MGAM2: variants seen among roughly 807,000 people sequenced by gnomAD.
MGAM2 encodes maltase-glucoamylase 2 (putative).
Under a neutral mutation model 96.1 loss-of-function variants are expected in MGAM2, and 98 were observed. That is an observed-to-expected ratio of 1.02 (90% CI 0.87 to 1.21). The LOEUF (loss-of-function observed/expected upper bound fraction) is 1.21, where lower values mean the gene tolerates loss of function less well. Ranked by LOEUF, MGAM2 falls within the 50% of genes most tolerant of loss-of-function variation. The probability of loss-of-function intolerance (pLI) is 0.00; values close to 1 mark genes in which losing one functional copy is unlikely to be tolerated. For missense variants in MGAM2, 2,055 were observed against 1,182.4 expected, an observed-to-expected ratio of 1.74 and a Z score of -10.82; for synonymous variants, 749 against 414.8, an observed-to-expected ratio of 1.81 and a Z score of -9.79.
At chr7:142,112,597 C>T (rs1187906722) in intron 1 of MGAM2, among the ~76,000 whole-genome samples, 3 of 151,880 alleles carry the variant, frequency 2.0e-5, no homozygotes. Context: ...CATTGGAGAC[C>T]GATCCTCTAA....
intron 37 of MGAM2, among the ~76,000 whole-genome samples, chr7:142,190,844 T>C (rs919419489): frequency 2.0e-5 from 3 of 152,096 alleles, no homozygotes; most frequent in Admixed American, 1.3e-4. Context: ...TTAATTATTA[T>C]TGAGTTGTGG....
intron 12 of MGAM2, among the ~76,000 whole-genome samples, chr7:142,142,535 T>G (rs1026047696): frequency 3.5e-5 from 5 of 142,118 alleles, no homozygotes; most frequent in Non-Finnish European, 3.1e-5. Flanking sequence ...TTTTTTTTTT[T>G]TTTTTTTTTT....
At chr7:142,125,608 A>G (rs1264449181) in intron 3 of MGAM2, among the ~76,000 whole-genome samples, 2 of 152,152 alleles carry the variant, frequency 1.3e-5, no homozygotes, top group South Asian at 2.1e-4. Flanking sequence ...AGGAATGTCA[A>G]TTAGATTTAT....
At chr7:142,125,264 CAG>C (rs1204170056) in intron 3 of MGAM2, among the ~76,000 whole-genome samples, 1 of 152,136 alleles carries the variant, frequency 6.6e-6, no homozygotes, top group Non-Finnish European at 1.5e-5. Context: ...CAGCATCTAT[CAG>C]AGACTCTATT....
chr7:142,158,185 A>G (rs10282156), intron 18 of MGAM2, 63 bp from the exon 19 acceptor site: 165,343 of 700,464 alleles, frequency 0.24, 20,338 homozygotes, highest in East Asian at 0.32. Context: ...TTGTTGTTAC[A>G]TAATGTGCCA....
At position 142,197,494 on chromosome 7, in the gene MGAM2, T is replaced by G; in HGVS notation, c.4727T>G (p.Leu1576Arg). ...ACCCTGCTTCCTTATCTCTATACTC[T>G]GATGCATAAAGCTCACGTTGAGGGC... is the stretch of plus-strand genomic sequence containing the variant. Reference protein sequence around the residue: ...RYTLLPYLYTLMHKAHVEGST... With the variant: ...RYTLLPYLYTRMHKAHVEGST... The change falls in exon 41 of 48, where the codon CTG (leucine) becomes CGG (arginine). Residue 1576 changes from leucine (L) to arginine (R), a missense_variant. By Grantham distance (102) the Leu-to-Arg change is moderately radical. Transcript: ENST00000477922. 1.4e-6 allele frequency: 1 copy of G among 703,142 alleles called. No homozygotes were observed. The highest frequency in any genetic ancestry group is 2.6e-6 in the Non-Finnish European group (1 of 385,032). 43.6% of individuals were successfully genotyped at this position (703,142 alleles called of 1,614,324 possible).
chr7:142,127,139 T>C (rs962593803), intron 3 of MGAM2, among the ~76,000 whole-genome samples: 1 of 152,222 alleles, frequency 6.6e-6, no homozygotes, highest in African/African-American at 2.4e-5. Context: ...TTCTTTATAA[T>C]TACTGTTTTA....
rs977247650 is a variant in MGAM2, at chr7:142,160,153, G to A, written c.2240G>A (p.Arg747Lys). 5.7e-6 allele frequency: 4 copies of A among 702,390 alleles called. No individual in the cohort carries two copies. The East Asian group carries it at 1.1e-4, about 19-fold the overall frequency. The allele number at this position is 702,390 out of a possible 1,614,324, so 43.5% of individuals were successfully genotyped here. A position where few individuals can be genotyped will look rare whatever the true frequency, so the allele number is the denominator to read the frequency against. Reference protein sequence around the residue: ...DYETGVAISWRKQLVNMLLPG... With the variant: ...DYETGVAISWKKQLVNMLLPG... Reference sequence around the variant, plus strand: ...GATTAGGGAGTGGCCATCTCATGGAGGAAACAGTTGGTGAATATGCTTCTC... The same window carrying A: ...GATTAGGGAGTGGCCATCTCATGGAAGAAACAGTTGGTGAATATGCTTCTC... The change falls in exon 21 of 48, where the codon AGG becomes AAG. Residue 747 changes from arginine to lysine, a missense_variant. By Grantham distance (26) the Arg-to-Lys change is conservative (BLOSUM62 2). Transcript: ENST00000477922.
Position 142,220,842 on chromosome 7 carries a change from G to T in MGAM2, c.6331G>T (p.Asp2111Tyr), listed in dbSNP as rs1797904554. ...SVTPSLTSTADATISTTVLIA... is the reference protein window; with the variant it reads ...SVTPSLTSTAYATISTTVLIA... ...GACTCCTTCTCTGACAAGTACTGCT[G>T]ATGCCACCATTAGTACTACTGTACT... Residue 2111 changes from aspartate to tyrosine, a missense_variant, in exon 48 of 48, where the codon GAT becomes TAT. Transcript: ENST00000477922. The T allele has an allele frequency of 1.4e-6, 1 of 702,048 alleles. No homozygotes were observed. The highest frequency in any genetic ancestry group is 2.6e-6 in the Non-Finnish European group (1 of 384,748). 43.5% of individuals were successfully genotyped at this position (702,048 alleles called of 1,614,324 possible).
intron 37 of MGAM2, among the ~76,000 whole-genome samples, chr7:142,190,032 C>T (rs1265904581): frequency 6.6e-6 from 1 of 152,024 alleles, no homozygotes; most frequent in Non-Finnish European, 1.5e-5. Context: ...TATATAGATA[C>T]ACCATATTTT....
At chr7:142,131,435 T>A in intron 4 of MGAM2, 83 bp from the exon 5 acceptor site, 1 of 648,160 alleles carries the variant, frequency 1.5e-6, no homozygotes, top group Non-Finnish European at 2.8e-6. Context: ...AGACTCCATC[T>A]CAAAACAAAA....
Position 142,206,239 on chromosome 7 carries a change from C to T in MGAM2, c.5138-2334C>T, listed in dbSNP as rs138631538. Among the ~76,000 whole-genome samples the T allele has an allele frequency of 4.4e-3, 672 of 152,092 alleles. 9 individuals are homozygous for T. The highest frequency in any genetic ancestry group is 6.8e-3 in the Middle Eastern group (2 of 294). On this transcript the variant is annotated intron_variant, in intron 45 of 47. Coordinates refer to ENST00000477922, the MANE Select transcript of MGAM2 (RefSeq NM_001293626.2). ...GAAGCATGAGTTCTTCAATTTAGTT[C>T]TTTTTCAAAAATGGGCCTTATTTTA...
chr7:142,164,428 C>T (rs1795973216), intron 23 of MGAM2, among the ~76,000 whole-genome samples: 1 of 152,120 alleles, frequency 6.6e-6, no homozygotes, highest in Admixed American at 6.5e-5. Flanking sequence ...ATAATACACA[C>T]TCAGATTATT....
At chr7:142,175,552 G>C in intron 31 of MGAM2, 100 bp from the exon 32 acceptor site, 1 of 633,400 alleles carries the variant, frequency 1.6e-6, no homozygotes, top group Non-Finnish European at 2.8e-6. Flanking sequence ...CCTGGAATGG[G>C]GCAGGCAGGC....
intron 5 of MGAM2, 55 bp downstream of exon 5, chr7:142,131,682 T>C (rs1255658114): frequency 2.9e-6 from 2 of 695,226 alleles, no homozygotes; most frequent in South Asian, 1.5e-5. Context: ...TGTGCTCACA[T>C]TGGGCTTGAA....
rs1209909596 is a variant in MGAM2 at position 142,196,710 on chromosome 7, A to G, written c.4526A>G (p.Asp1509Gly). ...TATGCATCTTCTCAGACAGGAGCAG[A>G]TATCTGTGGGTTCTTTGGAGATGCT... is the stretch of plus-strand genomic sequence containing the variant. The part of the protein sequence containing the change: ...SLFGIPYTGA[D>G]ICGFFGDAEY... The change falls in exon 40 of 48, where the codon GAT (aspartate) becomes GGT (glycine). Residue 1509 changes from aspartate to glycine, a missense_variant. Physicochemically the swap from Asp to Gly is moderately conservative, Grantham distance 94. Coordinates refer to ENST00000477922, the MANE Select transcript of MGAM2 (RefSeq NM_001293626.2). 2.5e-6 allele frequency: 2 copies of G among 787,920 alleles called. No individual in the cohort carries two copies. Among genetic ancestry groups the G allele is most frequent in the Non-Finnish European group, 4.7e-6 (2 of 424,918 alleles). 48.8% of individuals were successfully genotyped at this position (787,920 alleles called of 1,614,324 possible). A position where few individuals can be genotyped will look rare whatever the true frequency, so the allele number is the denominator to read the frequency against.
At chr7:142,198,291 A>G (rs2129100671) in intron 43 of MGAM2, 96 bp downstream of exon 43, 2 of 645,634 alleles carry the variant, frequency 3.1e-6, no homozygotes, top group Admixed American at 2.5e-5. Flanking sequence ...TTCCTAAGGC[A>G]ATAATTTTGA....
chr7:142,175,467 C>A (rs12532545), intron 31 of MGAM2, among the ~76,000 whole-genome samples, 185 bp from the exon 32 acceptor site: 28,751 of 152,026 alleles, frequency 0.19, 3,000 homozygotes, highest in East Asian at 0.34. Flanking sequence ...TGCATGCAGG[C>A]ATCAGAAAGC....
intron 25 of MGAM2, 52 bp from the exon 26 acceptor site, chr7:142,167,216 G>A: frequency 1.6e-6 from 1 of 629,728 alleles, no homozygotes; most frequent in East Asian, 2.7e-5. Flanking sequence ...TCAGTAATGA[G>A]AGCCTTAGTG....
Sources: gnomAD v4.1 joint callset for allele counts (sites outside exome capture counted in the v4.1 genomes callset) on GRCh38, gnomAD v4.1.1 for gene constraint, MANE v1.5 for transcripts, NCBI Gene and HGNC (gene_info 2026-07-23, HGNC 2026-07-21) for gene names.